Variants in C16orf74 observed in about 807,000 individuals in gnomAD.
C16orf74 encodes uncharacterized protein C16orf74.
Under a neutral mutation model 6.5 loss-of-function variants are expected in C16orf74, and 10 were observed. That is an observed-to-expected ratio of 1.54 (90% CI 0.95 to 2.61). The LOEUF (loss-of-function observed/expected upper bound fraction) is 2.61, where lower values mean the gene tolerates loss of function less well. Ranked by LOEUF, C16orf74 falls within the 30% of genes most tolerant of loss-of-function variation. The pLI is 0.00. For missense variants in C16orf74, 141 were observed against 105.9 expected (o/e 1.33, Z -1.45); for synonymous variants, 60 against 42.5 (o/e 1.41, Z -1.60).
intron 2 of C16orf74, among the ~76,000 whole-genome samples, chr16:85,729,032 C>A (rs1178178603): frequency 6.6e-6 from 1 of 152,236 alleles, no homozygotes. Context: ...CCGGACCCCA[C>A]TGAGAACCAT....
intron 2 of C16orf74, chr16:85,710,642 C>A: frequency 3.6e-6 from 1 of 276,814 alleles, no homozygotes; most frequent in Non-Finnish European, 6.8e-6. Context: ...CCCCCACTCT[C>A]CACAGCGCTC....
intron 2 of C16orf74, among the ~76,000 whole-genome samples, chr16:85,720,101 G>T (rs1197049671): frequency 6.6e-6 from 1 of 151,850 alleles, no homozygotes; most frequent in African/African-American, 2.4e-5. Flanking sequence ...TGTTATTATG[G>T]ATGAGGCTGG....
intron 2 of C16orf74, chr16:85,710,942 G>A (rs1483106342): frequency 6.6e-6 from 1 of 152,238 alleles, no homozygotes; most frequent in Admixed American, 6.5e-5. Context: ...ACACCTGGAG[G>A]ACAGTCTCTA....
chr16:85,715,132 G>T (rs1475491848), intron 2 of C16orf74, among the ~76,000 whole-genome samples: 1 of 149,122 alleles, frequency 6.7e-6, no homozygotes, highest in African/African-American at 2.5e-5. Context: ...ACTCCAGCCC[G>T]GGTGACAGAG....
chr16:85,718,228 C>T lies in C16orf74; in HGVS notation c.29-7921G>A, dbSNP rs569740600. On this transcript the variant is annotated intron_variant, in intron 2 of 3. Coordinates refer to ENST00000284245, the MANE Select transcript of C16orf74 (RefSeq NM_206967.3). ...GGGTGAAACTACAGGCACTCTCCACCACACCTGGCTAAGTTTTAAACTTTT... is the reference window on the plus strand; with the variant it reads ...GGGTGAAACTACAGGCACTCTCCACTACACCTGGCTAAGTTTTAAACTTTT... Among the ~76,000 whole-genome samples the T allele has an allele frequency of 4.6e-5, 7 of 152,096 alleles. 1 individual carries two copies. Among genetic ancestry groups the T allele is most frequent in the African/African-American group, 1.7e-4 (7 of 41,492 alleles).
At chr16:85,733,161 C>T (rs1045624589) in intron 2 of C16orf74, among the ~76,000 whole-genome samples, 3 of 152,170 alleles carry the variant, frequency 2.0e-5, no homozygotes, top group Non-Finnish European at 4.4e-5. Context: ...CAGTGTCCAT[C>T]GTTGGAGAAG....
intron 1 of C16orf74, among the ~76,000 whole-genome samples, chr16:85,736,985 G>C (rs1370958812): frequency 6.6e-6 from 1 of 152,058 alleles, no homozygotes; most frequent in East Asian, 1.9e-4. Context: ...GGAGGTTGCA[G>C]TGAGCTGAGA....
chr16:85,747,745 G>T (rs1341520131), intron 1 of C16orf74, among the ~76,000 whole-genome samples: 3 of 152,090 alleles, frequency 2.0e-5, no homozygotes, highest in Non-Finnish European at 4.4e-5. Flanking sequence ...CTACAGCTTG[G>T]TTTTATACAT....
chr16:85,709,661 C>A (rs1028950897), intron 3 of C16orf74, among the ~76,000 whole-genome samples: 6 of 152,220 alleles, frequency 3.9e-5, no homozygotes, highest in Non-Finnish European at 8.8e-5. Flanking sequence ...ATTTGGGCCT[C>A]TGTCTCCCAC....
chr16:85,740,169 C>A (rs2152065153), intron 1 of C16orf74, among the ~76,000 whole-genome samples: 1 of 132,772 alleles, frequency 7.5e-6, no homozygotes, highest in South Asian at 2.4e-4. Context: ...GAGATCACGC[C>A]ATTGCACCCA....
intron 2 of C16orf74, among the ~76,000 whole-genome samples, chr16:85,731,298 A>G (rs1333151524): frequency 6.6e-6 from 1 of 152,284 alleles, no homozygotes; most frequent in African/African-American, 2.4e-5. Flanking sequence ...ATATGTATTA[A>G]GAGCATTAAA....
chr16:85,716,675 A>AGGAGGAGGAAGGCGAGAG (rs912874404), intron 2 of C16orf74, among the ~76,000 whole-genome samples: 1 of 132,358 alleles, frequency 7.6e-6, no homozygotes, highest in Non-Finnish European at 1.6e-5. Flanking sequence ...GAGGAAGGGA[A>AGGAGGAGGAAGGCGAGAG]GGAGGAGGAA....
chr16:85,740,664 C>T (rs1423894087), intron 1 of C16orf74, among the ~76,000 whole-genome samples: 2 of 146,118 alleles, frequency 1.4e-5, no homozygotes, highest in African/African-American at 5.1e-5. Flanking sequence ...TGCACTCCAG[C>T]GTGGGGCACA....
chr16:85,724,273 T>C (rs2054111133), intron 2 of C16orf74, among the ~76,000 whole-genome samples: 1 of 152,128 alleles, frequency 6.6e-6, no homozygotes. Context: ...TCCCCATCCC[T>C]CTGTCTCCCT....
intron 2 of C16orf74, among the ~76,000 whole-genome samples, chr16:85,716,030 A>AAGGAATC (rs2054020127): frequency 6.8e-6 from 1 of 148,088 alleles, no homozygotes; most frequent in South Asian, 2.1e-4. Flanking sequence ...CCCCCGACAA[A>AAGGAATC]AGGAATCGCT....
At chr16:85,710,399 T>C in intron 2 of C16orf74, 92 bp from the exon 3 acceptor site, 1 of 1,289,780 alleles carries the variant, frequency 7.8e-7, no homozygotes, top group Non-Finnish European at 1.0e-6. Flanking sequence ...CCACCCTCCC[T>C]TCACTATCAC....
At chr16:85,737,103 G>C (rs914693881) in intron 1 of C16orf74, among the ~76,000 whole-genome samples, 14 of 152,174 alleles carry the variant, frequency 9.2e-5, no homozygotes, top group African/African-American at 3.4e-4. Context: ...GCAGCAGCGA[G>C]AACTGAGTGT....
chr16:85,743,020 C>T (rs1418017614), intron 1 of C16orf74, among the ~76,000 whole-genome samples: 17 of 152,180 alleles, frequency 1.1e-4, no homozygotes, highest in Admixed American at 8.5e-4. Flanking sequence ...CTAGGTACCA[C>T]CAGGGCACCC....
intron 3 of C16orf74, among the ~76,000 whole-genome samples, chr16:85,709,915 C>A (rs1385036675): frequency 1.3e-5 from 2 of 152,246 alleles, no homozygotes; most frequent in African/African-American, 4.8e-5. Flanking sequence ...CCGGCCCCAT[C>A]CATCAAGCGT....
Sources: gnomAD v4.1 joint callset for allele counts (sites outside exome capture counted in the v4.1 genomes callset) on GRCh38, gnomAD v4.1.1 for gene constraint, MANE v1.5 for transcripts, NCBI Gene and HGNC (gene_info 2026-07-23, HGNC 2026-07-21) for gene names.